Variants in TTC29 observed in about 807,000 individuals in gnomAD.
TTC29 encodes the protein tetratricopeptide repeat domain 29.
TTC29 carries 49 observed loss-of-function variants against 58.1 expected under a neutral mutation model. The ratio of observed to expected loss-of-function variants is 0.84; its 90% confidence interval spans 0.67 to 1.07. The LOEUF (loss-of-function observed/expected upper bound fraction) is 1.07, where lower values mean the gene tolerates loss of function less well. TTC29 is among the 50% of genes least tolerant of loss of function. The pLI, the probability that TTC29 is intolerant of heterozygous loss-of-function variation, is 0.00. For missense variants in TTC29, 582 were observed against 555.6 expected, an observed-to-expected ratio of 1.05 and a Z score of -0.48; for synonymous variants, 209 against 196.8, an observed-to-expected ratio of 1.06 and a Z score of -0.52.
intron 10 of TTC29, among the ~76,000 whole-genome samples, chr4:146,811,920 G>A (rs565359474): frequency 1.1e-4 from 17 of 152,196 alleles, no homozygotes; most frequent in African/African-American, 4.1e-4. Context: ...AACCAACTTT[G>A]TTAATTGAAA....
chr4:146,817,612 C>A (rs1751501914), intron 10 of TTC29, among the ~76,000 whole-genome samples: 1 of 152,264 alleles, frequency 6.6e-6, no homozygotes, highest in Admixed American at 6.5e-5. Context: ...CAAAACAGAG[C>A]CCGCATCACC....
chr4:146,819,133 T>TAATAAAAA (rs1035423307), intron 10 of TTC29, among the ~76,000 whole-genome samples: 3 of 148,998 alleles, frequency 2.0e-5, no homozygotes, highest in South Asian at 2.1e-4. Context: ...AATAAATAAA[T>TAATAAAAA]AATAAAAAAA....
chr4:146,752,424 A>G (rs1357472713), intron 11 of TTC29, among the ~76,000 whole-genome samples: 8 of 149,662 alleles, frequency 5.3e-5, no homozygotes, highest in Non-Finnish European at 1.2e-4. Flanking sequence ...ATGGAAGAAC[A>G]TTCCATGCTT....
intron 11 of TTC29, among the ~76,000 whole-genome samples, chr4:146,735,374 T>C (rs1329189921): frequency 1.3e-5 from 2 of 152,172 alleles, no homozygotes; most frequent in Non-Finnish European, 2.9e-5. Context: ...AAATGGATTA[T>C]GAGAGTGACT....
chr4:146,776,530 G>A (rs894334305), intron 11 of TTC29, among the ~76,000 whole-genome samples: 4 of 151,930 alleles, frequency 2.6e-5, no homozygotes, highest in African/African-American at 9.7e-5. Context: ...TGCTTCTGGA[G>A]GATTTTAGAG....
chr4:146,929,042 T>G (rs1353746108), intron 4 of TTC29, among the ~76,000 whole-genome samples: 1 of 151,798 alleles, frequency 6.6e-6, no homozygotes. Flanking sequence ...CATCTAAGAG[T>G]TTTGGAAGAT....
At chr4:146,750,506 A>G (rs1367080310) in intron 11 of TTC29, among the ~76,000 whole-genome samples, 1 of 152,208 alleles carries the variant, frequency 6.6e-6, no homozygotes, top group Non-Finnish European at 1.5e-5. Context: ...AATAAAAATG[A>G]CCAAAAATAA....
chr4:146,926,655 G>T (rs1055550667), intron 4 of TTC29, among the ~76,000 whole-genome samples: 2 of 152,022 alleles, frequency 1.3e-5, no homozygotes, highest in South Asian at 2.1e-4. Context: ...TAGAGACAGG[G>T]TTTCACCATG....
intron 4 of TTC29, among the ~76,000 whole-genome samples, chr4:146,923,302 T>G (rs1441942889): frequency 6.6e-6 from 1 of 151,786 alleles, no homozygotes; most frequent in East Asian, 1.9e-4. Flanking sequence ...TCAATATCAT[T>G]ATTATTTAGA....
At chr4:146,833,777 G>T (rs1273838895) in intron 9 of TTC29, 29 bp downstream of exon 9, 27 of 1,563,746 alleles carry the variant, frequency 1.7e-5, no homozygotes, top group Non-Finnish European at 2.1e-5. Flanking sequence ...AATTCACAGT[G>T]ACAGCAAGAT....
At chr4:146,760,411 A>G (rs534742734) in intron 11 of TTC29, among the ~76,000 whole-genome samples, 1 of 152,058 alleles carries the variant, frequency 6.6e-6, no homozygotes, top group South Asian at 2.1e-4. Flanking sequence ...GACCACCATC[A>G]TTCTTCACAA....
At chr4:146,913,701 T>C (rs1277727543) in intron 4 of TTC29, among the ~76,000 whole-genome samples, 3 of 152,142 alleles carry the variant, frequency 2.0e-5, no homozygotes, top group Admixed American at 6.6e-5. Flanking sequence ...CTGGTCTTTT[T>C]CTTCTGATCT....
At chr4:146,894,431 C>CA (rs912752866) in intron 6 of TTC29, among the ~76,000 whole-genome samples, 1 of 148,606 alleles carries the variant, frequency 6.7e-6, no homozygotes, top group Non-Finnish European at 1.5e-5. Flanking sequence ...ATCACAAGGA[C>CA]AAAAAACCAA....
Position 146,819,994 on chromosome 4 carries a change from C to G in TTC29, c.1101+131G>C, listed in dbSNP as rs553946198. 1.7e-4 allele frequency: 198 copies of G among 1,198,414 alleles called. No individual in the cohort carries two copies. In the African/African-American group the frequency reaches 2.9e-3, roughly 18 times the overall value. 74.2% of individuals were successfully genotyped at this position (1,198,414 alleles called of 1,614,324 possible). Reference sequence around the variant, plus strand: ...CCTTGCCATGGACATTAACTACACCCTGCAGTCCAGGGCCATTCTGCATAA... The same window carrying G: ...CCTTGCCATGGACATTAACTACACCGTGCAGTCCAGGGCCATTCTGCATAA... On this transcript the variant is annotated intron_variant, in intron 10 of 12. Coordinates refer to ENST00000325106, the MANE Select transcript of TTC29 (RefSeq NM_031956.4).
At chr4:146,811,196 A>C (rs1750999857) in intron 10 of TTC29, among the ~76,000 whole-genome samples, 1 of 152,146 alleles carries the variant, frequency 6.6e-6, no homozygotes, top group Non-Finnish European at 1.5e-5. Flanking sequence ...CCACAAATAA[A>C]TACTGTTTAC....
chr4:146,740,723 A>T (rs867589897), intron 11 of TTC29, among the ~76,000 whole-genome samples: 9 of 152,210 alleles, frequency 5.9e-5, no homozygotes, highest in African/African-American at 1.2e-4. Flanking sequence ...TAATTTTTTT[A>T]AAATTTTTTA....
At chr4:146,795,112 A>T (rs1454567589) in intron 11 of TTC29, among the ~76,000 whole-genome samples, 2 of 152,186 alleles carry the variant, frequency 1.3e-5, no homozygotes, top group African/African-American at 4.8e-5. Flanking sequence ...GTTTAGAATG[A>T]AATGAAAGGA....
rs1579884558 is a variant in TTC29, at chr4:146,875,011, A to G, written c.587-83T>C. On this transcript the variant is annotated intron_variant, in intron 6 of 12. Transcript: ENST00000325106. ...ATTTTGCATACGTTTTAGCTTTATTATTCAATGGAGAAACACCGAGGATTA... is the reference window on the plus strand; with the variant it reads ...ATTTTGCATACGTTTTAGCTTTATTGTTCAATGGAGAAACACCGAGGATTA... 9 of 1,019,872 alleles carry G rather than the reference A, an allele frequency of 8.8e-6. No individual in the cohort carries two copies. The East Asian group carries it at 2.1e-4, about 23-fold the overall frequency. 63.2% of individuals were successfully genotyped at this position (1,019,872 alleles called of 1,614,324 possible). A position where few individuals can be genotyped will look rare whatever the true frequency, so the allele number is the denominator to read the frequency against.
intron 8 of TTC29, among the ~76,000 whole-genome samples, chr4:146,845,648 T>C (rs1378420334): frequency 6.6e-6 from 1 of 152,140 alleles, no homozygotes; most frequent in Non-Finnish European, 1.5e-5. Context: ...TATCTACAAC[T>C]AGATTTACGA....
Sources: allele counts gnomAD v4.1 joint callset (sites outside exome capture counted in the v4.1 genomes callset), GRCh38; gene constraint gnomAD v4.1.1; transcripts MANE v1.5; gene names NCBI Gene and HGNC (gene_info 2026-07-23, HGNC 2026-07-21).